SBK2: variants seen among roughly 807,000 people sequenced by gnomAD.
The protein encoded by SBK2 is SH3 domain binding kinase family member 2.
In SBK2, 18 loss-of-function variants were observed where a neutral mutation model predicts 15.9. The observed-to-expected ratio is 1.13, with a 90% confidence interval of 0.78 to 1.68. SBK2 has a LOEUF of 1.68. SBK2 is among the 40% of genes most tolerant of loss of function. The pLI, the probability that SBK2 is intolerant of heterozygous loss-of-function variation, is 0.00. For missense variants in SBK2, 581 were observed against 510.9 expected (o/e 1.14, Z -1.32); for synonymous variants, 284 against 246.8 (o/e 1.15, Z -1.41).
Position 55,530,113 on chromosome 19 carries a change from AG to A in SBK2, c.666del (p.Tyr223ThrfsTer96), listed in dbSNP as rs1277270282. ...GGCGCGCAGAGCTCGGGGGCCGTGTAGGGGATGGGCGGCCCGGCCAGGCGCA... is the reference window on the plus strand; with the variant it reads ...GGCGCGCAGAGCTCGGGGGCCGTGTAGGGATGGGCGGCCCGGCCAGGCGCA... ...TLLRLAGPPIPYTAPELCAPP... is the reference protein window; with the variant it reads ...TLLRLAGPPIXYTAPELCAPP... On this transcript the variant is annotated frameshift_variant, in exon 4 of 4. Transcript: ENST00000413299. LOFTEE classifies it low-confidence loss of function (END_TRUNC). 1 of 1,456,292 alleles carries A rather than the reference AG, an allele frequency of 6.9e-7. No homozygotes were observed. The highest frequency in any genetic ancestry group is 1.5e-5 in the African/African-American group (1 of 67,716). The allele number at this position is 1,456,292 out of a possible 1,614,324, so 90.2% of individuals were successfully genotyped here. A position where few individuals can be genotyped will look rare whatever the true frequency, so the allele number is the denominator to read the frequency against.
In SBK2 at chr19:55,536,072, G is replaced by A. The variant is rs201910900; in HGVS notation, c.223C>T (p.Arg75Cys). The stretch of plus-strand genomic sequence containing the variant: ...TGACGATGGGTGACCAGAAGGACGC[G>A]GCCATAGCAACCCTGGCCCAGGGGA... ...VRPLGQGCYG[R>C]VLLVTHRQKG... The change falls in exon 2 of 4, where the codon CGC (arginine) becomes TGC (cysteine). Residue 75 changes from arginine (R) to cysteine (C), a missense_variant. Coordinates refer to ENST00000413299, the MANE Select transcript of SBK2 (RefSeq NM_001370096.2). 3.9e-4 allele frequency: 588 copies of A among 1,497,306 alleles called. 1 individual carries two copies. Among genetic ancestry groups the A allele is most frequent in the Non-Finnish European group, 4.9e-4 (551 of 1,116,404 alleles). The allele number at this position is 1,497,306 out of a possible 1,614,324, so 92.8% of individuals were successfully genotyped here.
chr19:55,532,857 A>G (rs1988305721), intron 2 of SBK2, among the ~76,000 whole-genome samples: 1 of 151,760 alleles, frequency 6.6e-6, no homozygotes, highest in South Asian at 2.1e-4. Context: ...CGGTCTCGCT[A>G]TGTTGCCCAG....
intron 2 of SBK2, among the ~76,000 whole-genome samples, chr19:55,534,009 C>T (rs1341182245): frequency 3.3e-5 from 5 of 152,198 alleles, no homozygotes; most frequent in Non-Finnish European, 4.4e-5. Flanking sequence ...CTGCTCATGC[C>T]TCCGGCTTTG....
chr19:55,535,930 G>T (rs973415079), intron 2 of SBK2, 112 bp downstream of exon 2: 8 of 1,039,038 alleles, frequency 7.7e-6, no homozygotes, highest in Non-Finnish European at 3.9e-6. Context: ...CAGCTTTGGA[G>T]GGCAGAGGTA....
Position 55,530,287 on chromosome 19 carries a change from C to A in SBK2, c.493G>T (p.Ala165Ser). The A allele has an allele frequency of 6.9e-7, 1 of 1,452,492 alleles. No individual in the cohort carries two copies. Among genetic ancestry groups the A allele is most frequent in the South Asian group, 1.4e-5 (1 of 70,638 alleles). The allele number at this position is 1,452,492 out of a possible 1,614,324, so 90.0% of individuals were successfully genotyped here. Residue 165 changes from alanine (A) to serine (S), a missense_variant, in exon 4 of 4, where the codon GCC (alanine) becomes TCC (serine). Transcript: ENST00000413299. ...TACTCCAGGGCGGAGGCCAGCTGGGCGGCGCAGCGGTGCACCGCGGGCTGC... is the reference window on the plus strand; with the variant it reads ...TACTCCAGGGCGGAGGCCAGCTGGGAGGCGCAGCGGTGCACCGCGGGCTGC... The part of the protein sequence containing the change: ...LPQPAVHRCA[A>S]QLASALEYIH...
rs752745367 is a variant in SBK2 at position 55,536,121 on chromosome 19, C to T, written c.174G>A (p.Val58=). The change falls in exon 2 of 4, where the codon GTG becomes GTA. Residue 58 remains valine, a synonymous_variant. Transcript: ENST00000413299. The part of the protein sequence containing the change: ...LSAQTLVRAE[V]DELYEEVRPL... Reference sequence around the variant, plus strand: ...GACGCACTTCCTCGTAGAGCTCGTCCACCTCGGCTCGGACCAGGGTCTGAG... The same window carrying T: ...GACGCACTTCCTCGTAGAGCTCGTCTACCTCGGCTCGGACCAGGGTCTGAG... 6.4e-7 allele frequency: 1 copy of T among 1,557,284 alleles called. No individual in the cohort carries two copies. The highest frequency in any genetic ancestry group is 1.4e-5 in the African/African-American group (1 of 72,852).
intron 2 of SBK2, among the ~76,000 whole-genome samples, chr19:55,533,690 A>G: frequency 1.4e-5 from 2 of 142,624 alleles, no homozygotes; most frequent in African/African-American, 2.6e-5. Flanking sequence ...AAAAAAAAAA[A>G]AAAAAAAAGA....
rs865930980 is a variant in SBK2, at chr19:55,529,418, G to A, written c.*315C>T. Among the ~76,000 whole-genome samples the A allele has an allele frequency of 2.6e-5, 4 of 152,116 alleles. 1 individual carries two copies. The highest frequency in any genetic ancestry group is 7.2e-5 in the African/African-American group (3 of 41,418). On this transcript the variant is annotated 3_prime_UTR_variant, in exon 4 of 4. Transcript: ENST00000413299. ...CTCAAAAAAAATAAAAATGCGAGGG[G>A]TGAGGGGATGAGCCTAAAGTGCCCT...
chr19:55,530,379 C>T, intron 3 of SBK2, 56 bp from the exon 4 acceptor site: 1 of 1,379,808 alleles, frequency 7.2e-7, no homozygotes, highest in Non-Finnish European at 9.4e-7. Context: ...GCAACCGAGA[C>T]CCAGGAAGCA....
intron 3 of SBK2, 72 bp from the exon 4 acceptor site, chr19:55,530,395 A>C (rs1274314247): frequency 7.6e-7 from 1 of 1,315,270 alleles, no homozygotes; most frequent in African/African-American, 1.5e-5. Context: ...AAGCAGGCCC[A>C]GGACGCCAAG....
intron 2 of SBK2, 106 bp downstream of exon 2, chr19:55,535,936 A>C: frequency 9.3e-7 from 1 of 1,080,168 alleles, no homozygotes; most frequent in South Asian, 2.7e-5. Flanking sequence ...TGGAGGGCAG[A>C]GGTAAGACTT....
rs973415079 is a variant in SBK2, at chr19:55,535,930, G to A, written c.253+112C>T. On this transcript the variant is annotated intron_variant, in intron 2 of 3. Transcript: ENST00000413299. ...AAAACAAAAAACACACAGCTTTGGA[G>A]GGCAGAGGTAAGACTTGATTCAGGC... 1.4e-5 allele frequency: 15 copies of A among 1,039,038 alleles called. No individual in the cohort carries two copies. In the Admixed American group the frequency reaches 2.3e-4, roughly 16 times the overall value. The allele number at this position is 1,039,038 out of a possible 1,614,324, so 64.4% of individuals were successfully genotyped here. A position where few individuals can be genotyped will look rare whatever the true frequency, so the allele number is the denominator to read the frequency against.
rs1295104119 is a variant in SBK2, at chr19:55,530,206, A to G, written c.574T>C (p.Cys192Arg). ...TTGAAGCGCCGGCAGGCCGGGTCGC[A>G]CACCAGGACGTTCTCCGGCTTCAGG... ...RDLKPENVLV[C>R]DPACRRFKLT... Residue 192 changes from cysteine to arginine, a missense_variant, in exon 4 of 4, where the codon TGC (cysteine) becomes CGC (arginine). Cys to Arg is a radical substitution (Grantham distance 180). Coordinates refer to ENST00000413299, the MANE Select transcript of SBK2 (RefSeq NM_001370096.2). 6.5e-7 allele frequency: 1 copy of G among 1,535,794 alleles called. No homozygotes were observed. Among genetic ancestry groups the G allele is most frequent in the Non-Finnish European group, 8.8e-7 (1 of 1,141,104 alleles).
Position 55,531,181 on chromosome 19 carries a change from C to A in SBK2, c.418G>T (p.Val140Phe), listed in dbSNP as rs770246844. The A allele has an allele frequency of 6.2e-7, 1 of 1,612,854 alleles. No homozygotes were observed. The highest frequency in any genetic ancestry group is 1.3e-5 in the African/African-American group (1 of 74,918). Residue 140 changes from valine to phenylalanine, a missense_variant, in exon 3 of 4, where the codon GTC (valine) becomes TTC (phenylalanine). Physicochemically the swap from Val to Phe is conservative, Grantham distance 50. Coordinates refer to ENST00000413299, the MANE Select transcript of SBK2 (RefSeq NM_001370096.2). Reference sequence around the variant, plus strand: ...AAGGCCATGAGGTCCCCGTGCAGGACGGGCTCCGTCAGGAAGCTGTAGGAG... The same window carrying A: ...AAGGCCATGAGGTCCCCGTGCAGGAAGGGCTCCGTCAGGAAGCTGTAGGAG... ...AHSYSFLTEPVLHGDLMAFIQ... is the reference protein window; with the variant it reads ...AHSYSFLTEPFLHGDLMAFIQ...
At chr19:55,531,023 G>C (rs1568491399) in intron 3 of SBK2, 120 bp downstream of exon 3, 5 of 876,898 alleles carry the variant, frequency 5.7e-6, no homozygotes, top group Non-Finnish European at 9.0e-6. Context: ...GCCTCCGGGG[G>C]GTAGGGGAGG....
Position 55,536,266 on chromosome 19 carries a change from G to T in SBK2, c.29C>A (p.Pro10Gln). 1 of 1,586,630 alleles carries T rather than the reference G, an allele frequency of 6.3e-7. No homozygotes were observed. The highest frequency in any genetic ancestry group is 8.5e-7 in the Non-Finnish European group (1 of 1,170,438). ...GTCCTCCGAAGCCCCTGCCTCCGCCGGCCCTTCCTCAGACTGTTTGCCGGG... is the reference window on the plus strand; with the variant it reads ...GTCCTCCGAAGCCCCTGCCTCCGCCTGCCCTTCCTCAGACTGTTTGCCGGG... MPGKQSEEGPAEAGASEDSE... is the reference protein window; with the variant it reads MPGKQSEEGQAEAGASEDSE... Residue 10 changes from proline (P) to glutamine (Q), a missense_variant, in exon 2 of 4, where the codon CCG becomes CAG. Physicochemically the swap from Pro to Gln is moderately conservative, Grantham distance 76 (BLOSUM62 -1). Transcript: ENST00000413299.
In SBK2 at chr19:55,534,704, C is replaced by CAAAAAAAAAAAAAAAAAA. The variant is rs35461460; in HGVS notation, c.253+1337_253+1338insTTTTTTTTTTTTTTTTTT. 3.6e-4 allele frequency among the ~76,000 whole-genome samples: 30 copies of CAAAAAAAAAAAAAAAAAA among 82,466 alleles called. 1 individual carries two copies. Among genetic ancestry groups the CAAAAAAAAAAAAAAAAAA allele is most frequent in the African/African-American group, 5.4e-4 (10 of 18,434 alleles). 54.1% of individuals were successfully genotyped at this position (82,466 alleles called of 152,430 possible). ...CCTGGACAACAGCGAGACCCTGTCT[C>CAAAAAAAAAAAAAAAAAA]AAAAAAAAAAAAAAAAGAAAAAAAA... is the stretch of plus-strand genomic sequence containing the variant. On this transcript the variant is annotated intron_variant, in intron 2 of 3. Coordinates refer to ENST00000413299, the MANE Select transcript of SBK2 (RefSeq NM_001370096.2).
rs620251 is a variant in SBK2 at position 55,529,888 on chromosome 19, C to G, written c.892G>C (p.Ala298Pro). 0.98 allele frequency: 1,557,782 copies of G among 1,583,982 alleles called. 766,233 individuals are homozygous for G. Among genetic ancestry groups the G allele is most frequent in the Middle Eastern group, 0.99 (5,714 of 5,756 alleles). Reference sequence around the variant, plus strand: ...CCCCGCAGAAGCGCGTCGGCCGCGGCGGCCAGGCCGAACCAGGGCTGAGGG... The same window carrying G: ...CCCCGCAGAAGCGCGTCGGCCGCGGGGGCCAGGCCGAACCAGGGCTGAGGG... ...DRPQPWFGLA[A>P]AADALLRGLL... The change falls in exon 4 of 4, where the codon GCC becomes CCC. Residue 298 changes from alanine to proline, a missense_variant. By Grantham distance (27) the Ala-to-Pro change is conservative. Transcript: ENST00000413299.
rs1185729764 is a variant in SBK2, at chr19:55,529,656, C to G, written c.*77G>C. ...CCAAGCCCCATGGATGAAAACACACCGAGGAGACACCAAAAGCCGTTGGCC... is the reference window on the plus strand; with the variant it reads ...CCAAGCCCCATGGATGAAAACACACGGAGGAGACACCAAAAGCCGTTGGCC... On this transcript the variant is annotated 3_prime_UTR_variant, in exon 4 of 4. Transcript: ENST00000413299. 25 of 1,525,522 alleles carry G rather than the reference C, an allele frequency of 1.6e-5. No homozygotes were observed. Among genetic ancestry groups the G allele is most frequent in the Middle Eastern group, 1.7e-4 (1 of 5,790 alleles). The allele number at this position is 1,525,522 out of a possible 1,614,324, so 94.5% of individuals were successfully genotyped here. A position where few individuals can be genotyped will look rare whatever the true frequency, so the allele number is the denominator to read the frequency against.
Sources: allele counts gnomAD v4.1 joint callset (sites outside exome capture counted in the v4.1 genomes callset), GRCh38; gene constraint gnomAD v4.1.1; transcripts MANE v1.5; gene names NCBI Gene and HGNC (gene_info 2026-07-23, HGNC 2026-07-21).